Variants in SCAPER observed in about 807,000 individuals in gnomAD.
SCAPER encodes S-phase cyclin A associated protein in the ER, also known as S phase cyclin A-associated protein in the endoplasmic reticulum.
In SCAPER, 98 loss-of-function variants were observed where a neutral mutation model predicts 182.2. The ratio of observed to expected loss-of-function variants is 0.54; its 90% CI spans 0.46 to 0.64. The LOEUF is 0.64. Ranked by LOEUF, SCAPER falls within the 30% of genes least tolerant of loss-of-function variation. The probability of loss-of-function intolerance (pLI) is 0.00; values close to 1 mark genes in which losing one functional copy is unlikely to be tolerated. For missense variants in SCAPER, 1,432 were observed against 1,690.0 expected (o/e 0.85, Z 2.68); for synonymous variants, 605 against 564.6 (o/e 1.07, Z -1.01).
chr15:76,391,625 T>C (rs993898495), intron 27 of SCAPER, among the ~76,000 whole-genome samples: 1 of 152,184 alleles, frequency 6.6e-6, no homozygotes, highest in African/African-American at 2.4e-5. Flanking sequence ...ATGTATAGAA[T>C]AGGCCCAGGA....
intron 1 of SCAPER, among the ~76,000 whole-genome samples, chr15:76,894,551 A>G (rs555306648): frequency 6.6e-6 from 1 of 152,330 alleles, no homozygotes; most frequent in African/African-American, 2.4e-5. Flanking sequence ...AGGAAATAAT[A>G]ACAGAGCAAA....
chr15:76,348,729 G>T lies in SCAPER; in HGVS notation c.4107C>A (p.Cys1369Ter). Residue 1369 changes from cysteine to a stop codon, truncating the protein, a stop_gained, in exon 32 of 32, where the codon TGC (cysteine) becomes TGA (stop). Coordinates refer to ENST00000563290, the MANE Select transcript of SCAPER (RefSeq NM_020843.4). LOFTEE classifies it high-confidence loss of function. ...ENQPYQPKGK[C>*]LGSQDYLELA... is the part of the protein sequence containing the mutation. The stretch of plus-strand genomic sequence containing the variant: ...GCTCAAGATAGTCTTGGGAACCAAG[G>T]CATTTCCCTGAGAGGGGGATAAAAG... 6 of 1,522,600 alleles carry T rather than the reference G, an allele frequency of 3.9e-6. No homozygotes were observed. Among genetic ancestry groups the T allele is most frequent in the Non-Finnish European group, 4.4e-6 (5 of 1,130,236 alleles). The allele number at this position is 1,522,600 out of a possible 1,614,324, so 94.3% of individuals were successfully genotyped here.
intron 21 of SCAPER, among the ~76,000 whole-genome samples, chr15:76,633,659 A>T (rs2053347319): frequency 6.6e-6 from 1 of 152,146 alleles, no homozygotes; most frequent in Admixed American, 6.5e-5. Flanking sequence ...TTGCCTGGTG[A>T]GGAGGAGTGG....
At chr15:76,558,806 G>C (rs1192757923) in intron 23 of SCAPER, among the ~76,000 whole-genome samples, 1 of 152,024 alleles carries the variant, frequency 6.6e-6, no homozygotes, top group Admixed American at 6.6e-5. Flanking sequence ...TAAAGAAAAT[G>C]TGATATATAT....
At chr15:76,583,888 A>G (rs978578785) in intron 22 of SCAPER, among the ~76,000 whole-genome samples, 2 of 152,210 alleles carry the variant, frequency 1.3e-5, no homozygotes, top group East Asian at 1.9e-4. Context: ...CTAGAAACAG[A>G]GCTACCATAT....
intron 24 of SCAPER, among the ~76,000 whole-genome samples, chr15:76,501,253 T>C (rs902956530): frequency 2.6e-5 from 4 of 151,650 alleles, no homozygotes; most frequent in African/African-American, 7.3e-5. Context: ...GGCCTTTCCC[T>C]GGTTCTGATA....
intron 20 of SCAPER, among the ~76,000 whole-genome samples, chr15:76,667,325 G>A (rs2056652043): frequency 6.6e-6 from 1 of 152,068 alleles, no homozygotes; most frequent in South Asian, 2.1e-4. Flanking sequence ...CTCCTTCTAA[G>A]TCTTCTTTGC....
At chr15:76,818,622 C>T (rs902170712) in intron 5 of SCAPER, among the ~76,000 whole-genome samples, 1 of 152,160 alleles carries the variant, frequency 6.6e-6, no homozygotes, top group African/African-American at 2.4e-5. Context: ...CCAAGATGGC[C>T]AAATAGGAAC....
At chr15:76,847,962 C>G (rs1352273414) in intron 4 of SCAPER, among the ~76,000 whole-genome samples, 1 of 152,134 alleles carries the variant, frequency 6.6e-6, no homozygotes, top group Non-Finnish European at 1.5e-5. Context: ...AAGCTCTCTC[C>G]CTGTATTTAG....
chr15:76,652,370 ACAT>A (rs2055205775), intron 21 of SCAPER, among the ~76,000 whole-genome samples: 1 of 40,698 alleles, frequency 2.5e-5, no homozygotes, highest in Non-Finnish European at 4.7e-5. Context: ...ACACACACAC[ACAT>A]ATATATATAT....
chr15:76,552,982 T>G (rs1278161561), intron 23 of SCAPER, among the ~76,000 whole-genome samples: 4 of 152,144 alleles, frequency 2.6e-5, no homozygotes, highest in African/African-American at 4.8e-5. Context: ...GGCAGACCGC[T>G]TTTACCTGTT....
At chr15:76,607,334 G>A (rs2050521272) in intron 22 of SCAPER, among the ~76,000 whole-genome samples, 1 of 152,216 alleles carries the variant, frequency 6.6e-6, no homozygotes, top group Non-Finnish European at 1.5e-5. Context: ...TAACAATGTT[G>A]AATACTGGCC....
rs946499023 is a variant in SCAPER at position 76,754,638 on chromosome 15, T to C, written c.1726-690A>G. 3.9e-5 allele frequency among the ~76,000 whole-genome samples: 6 copies of C among 152,070 alleles called. No individual in the cohort carries two copies. In the East Asian group the frequency reaches 7.7e-4, roughly 20 times the overall value. On this transcript the variant is annotated intron_variant, in intron 14 of 31. Transcript: ENST00000563290. ...TCCAGGAAATAAGATTCAGCACCAA[T>C]GAAAATAAATTATAGAAAATCAGAA...
intron 2 of SCAPER, among the ~76,000 whole-genome samples, chr15:76,874,065 T>C (rs1268497919): frequency 1.3e-5 from 2 of 152,106 alleles, no homozygotes; most frequent in Non-Finnish European, 2.9e-5. Context: ...GCTAATTTAC[T>C]GTATTTTTAG....
intron 20 of SCAPER, among the ~76,000 whole-genome samples, chr15:76,666,996 C>A (rs989099016): frequency 3.3e-4 from 50 of 152,296 alleles, no homozygotes; most frequent in African/African-American, 1.2e-3. Flanking sequence ...CCCGTTTCTA[C>A]TTAAATCATC....
chr15:76,614,300 A>T (rs2051261756), intron 22 of SCAPER, among the ~76,000 whole-genome samples: 1 of 152,140 alleles, frequency 6.6e-6, no homozygotes, highest in Non-Finnish European at 1.5e-5. Flanking sequence ...AAGGAGTCTC[A>T]ATACTTGGGT....
chr15:76,721,025 C>T (rs904156763), intron 17 of SCAPER, among the ~76,000 whole-genome samples: 1 of 152,044 alleles, frequency 6.6e-6, no homozygotes, highest in South Asian at 2.1e-4. Context: ...AATGGTAATG[C>T]CTAGGTTTTC....
At chr15:76,547,444 ATTC>A (rs2045388452) in intron 23 of SCAPER, among the ~76,000 whole-genome samples, 1 of 152,096 alleles carries the variant, frequency 6.6e-6, no homozygotes, top group African/African-American at 2.4e-5. Context: ...TCTTCTTTAT[ATTC>A]TTTGGTATCC....
At chr15:76,362,429 T>C (rs1012658224) in intron 29 of SCAPER, among the ~76,000 whole-genome samples, 9 of 150,246 alleles carry the variant, frequency 6.0e-5, no homozygotes, top group East Asian at 2.0e-4. Flanking sequence ...TTTTTTTTTT[T>C]CAAGATGGAG....
Sources: allele counts gnomAD v4.1 joint callset (sites outside exome capture counted in the v4.1 genomes callset), GRCh38; gene constraint gnomAD v4.1.1; transcripts MANE v1.5; gene names NCBI Gene and HGNC (gene_info 2026-07-23, HGNC 2026-07-21).